Variants in MND1 observed in about 807,000 individuals in gnomAD.
MND1 encodes meiotic nuclear divisions 1, also known as meiotic nuclear division protein 1 homolog.
A neutral mutation model predicts 35.1 loss-of-function variants in MND1; 28 were observed. That is an observed-to-expected ratio of 0.80 (90% CI 0.59 to 1.09). The LOEUF is 1.09. MND1 is among the 50% of genes least tolerant of loss of function. The pLI is 0.00. For missense variants in MND1, 213 were observed against 239.6 expected, an observed-to-expected ratio of 0.89 and a Z score of 0.73; for synonymous variants, 69 against 70.5, an observed-to-expected ratio of 0.98 and a Z score of 0.11.
At chr4:153,403,613 A>G (rs535656442) in intron 6 of MND1, among the ~76,000 whole-genome samples, 44 of 152,244 alleles carry the variant, frequency 2.9e-4, no homozygotes, top group African/African-American at 1.0e-3. Context: ...TAGGGTTGCT[A>G]TGAGACAGAA....
At chr4:153,357,741 A>C (rs929991997) in intron 3 of MND1, among the ~76,000 whole-genome samples, 1 of 152,236 alleles carries the variant, frequency 6.6e-6, no homozygotes, top group African/African-American at 2.4e-5. Context: ...AGGATCAAAA[A>C]CAAAAAACAA....
chr4:153,400,964 A>G (rs1729332796), intron 6 of MND1, among the ~76,000 whole-genome samples: 1 of 152,266 alleles, frequency 6.6e-6, no homozygotes, highest in South Asian at 2.1e-4. Flanking sequence ...ACTTTTGAAC[A>G]TGAAAACTAC....
intron 6 of MND1, among the ~76,000 whole-genome samples, chr4:153,408,680 G>A (rs1015916248): frequency 3.9e-5 from 6 of 151,908 alleles, no homozygotes; most frequent in African/African-American, 1.2e-4. Context: ...AAAGGAGCAA[G>A]TACAATGATG....
chr4:153,393,924 C>CTTTGTTTTT (rs1729122117), intron 4 of MND1, among the ~76,000 whole-genome samples: 2 of 56,460 alleles, frequency 3.5e-5, no homozygotes, highest in Admixed American at 3.1e-4. Context: ...ACTTTGTTTT[C>CTTTGTTTTT]TTTTTTTTTT....
chr4:153,381,264 C>G (rs1454825375), intron 4 of MND1, among the ~76,000 whole-genome samples: 1 of 151,834 alleles, frequency 6.6e-6, no homozygotes, highest in East Asian at 1.9e-4. Context: ...GCTGGGCTTC[C>G]AAACCTTCCT....
Position 153,408,029 on chromosome 4 carries a change from A to G in MND1, c.467-942A>G, listed in dbSNP as rs547445099. On this transcript the variant is annotated intron_variant, in intron 6 of 7. Transcript: ENST00000240488. Reference sequence around the variant, plus strand: ...GGTGCCCCATACCTGTAATCCCAGCACTTTAGGAGGCCAAGATGGGGTGGA... The same window carrying G: ...GGTGCCCCATACCTGTAATCCCAGCGCTTTAGGAGGCCAAGATGGGGTGGA... 9.9e-5 allele frequency among the ~76,000 whole-genome samples: 15 copies of G among 152,264 alleles called. No homozygotes were observed. In the South Asian group the frequency reaches 2.3e-3, roughly 23 times the overall value.
chr4:153,392,515 A>G (rs2149652087), intron 4 of MND1, among the ~76,000 whole-genome samples: 1 of 152,254 alleles, frequency 6.6e-6, no homozygotes, highest in Non-Finnish European at 1.5e-5. Flanking sequence ...AATATTTTTT[A>G]AGAAGGCCCT....
chr4:153,346,927 T>C (rs1440081), intron 1 of MND1, among the ~76,000 whole-genome samples: 44,634 of 152,058 alleles, frequency 0.29, 7,463 homozygotes, highest in African/African-American at 0.46. Flanking sequence ...GCAGCGCCCT[T>C]GACATGGCCT....
At chr4:153,399,620 A>G (rs1729289742) in intron 6 of MND1, among the ~76,000 whole-genome samples, 1 of 152,162 alleles carries the variant, frequency 6.6e-6, no homozygotes, top group Non-Finnish European at 1.5e-5. Context: ...ATCACCTCTT[A>G]GGTAATAAAA....
At chr4:153,350,154 T>C (rs746076244) in intron 2 of MND1, 25 bp downstream of exon 2, 12 of 1,507,476 alleles carry the variant, frequency 8.0e-6, no homozygotes, top group South Asian at 1.2e-5. Context: ...TTAACACTTA[T>C]AATTTTGTGT....
At chr4:153,364,900 T>G (rs1773590003) in intron 4 of MND1, among the ~76,000 whole-genome samples, 1 of 152,040 alleles carries the variant, frequency 6.6e-6, no homozygotes, top group South Asian at 2.1e-4. Flanking sequence ...TGCTACAAAA[T>G]GGATGAACCT....
chr4:153,403,820 C>T (rs1177554589), intron 6 of MND1, among the ~76,000 whole-genome samples: 1 of 151,912 alleles, frequency 6.6e-6, no homozygotes, highest in Non-Finnish European at 1.5e-5. Flanking sequence ...AGCTGGAGTG[C>T]AGTGGCATGA....
chr4:153,369,698 G>A (rs1357796740), intron 4 of MND1, among the ~76,000 whole-genome samples: 2 of 151,248 alleles, frequency 1.3e-5, no homozygotes, highest in East Asian at 3.8e-4. Flanking sequence ...GATGGTTGCT[G>A]AAGGGTAGAT....
intron 2 of MND1, among the ~76,000 whole-genome samples, chr4:153,353,404 C>CATATATATATATATATATATAT (rs58280101): frequency 2.4e-5 from 2 of 81,972 alleles, no homozygotes; most frequent in Non-Finnish European, 4.9e-5. Context: ...GACTTTATCA[C>CATATATATATATATATATATAT]ATATATATAT....
rs149357921 is a variant in MND1 at position 153,356,810 on chromosome 4, A to G, written c.127+1099A>G. 1.6e-3 allele frequency among the ~76,000 whole-genome samples: 239 copies of G among 150,816 alleles called. 2 individuals carry two copies. Among genetic ancestry groups the G allele is most frequent in the Admixed American group, 7.7e-3 (116 of 15,132 alleles). On this transcript the variant is annotated intron_variant, in intron 3 of 7. Coordinates refer to ENST00000240488, the MANE Select transcript of MND1 (RefSeq NM_032117.4). ...ATTTTATTTATTTATTTATTTGTTT[A>G]TTTATTTATTTGAGACAGAGTCTAC...
chr4:153,392,352 G>A (rs867195639), intron 4 of MND1, among the ~76,000 whole-genome samples: 3 of 152,022 alleles, frequency 2.0e-5, no homozygotes, highest in African/African-American at 4.8e-5. Context: ...TGATCGGCCC[G>A]CCTCAGCCTC....
chr4:153,394,358 A>G (rs1381008320), intron 5 of MND1, 22 bp downstream of exon 5: 2 of 1,581,002 alleles, frequency 1.3e-6, no homozygotes, highest in African/African-American at 2.7e-5. Flanking sequence ...TCTATAGATT[A>G]TTTTAATAAT....
chr4:153,396,029 T>C (rs904014533), intron 5 of MND1, among the ~76,000 whole-genome samples: 4 of 152,164 alleles, frequency 2.6e-5, no homozygotes, highest in Admixed American at 2.6e-4. Flanking sequence ...TTGGTGACAG[T>C]GTTCCTTTTG....
chr4:153,387,796 A>G (rs911850123), intron 4 of MND1, among the ~76,000 whole-genome samples: 5 of 151,920 alleles, frequency 3.3e-5, no homozygotes, highest in Non-Finnish European at 5.9e-5. Context: ...AATAAATTGT[A>G]TGGCTTTTTT....
Sources: gnomAD v4.1 joint callset for allele counts (sites outside exome capture counted in the v4.1 genomes callset) on GRCh38, gnomAD v4.1.1 for gene constraint, MANE v1.5 for transcripts, NCBI Gene and HGNC (gene_info 2026-07-23, HGNC 2026-07-21) for gene names.